Variants in PRAMEF11 observed in about 807,000 individuals in gnomAD.
PRAMEF11 encodes the protein PRAME family member 11.
A neutral mutation model predicts 33.6 loss-of-function variants in PRAMEF11; 17 were observed. That is an observed-to-expected ratio of 0.51 (90% CI 0.35 to 0.76). The LOEUF (loss-of-function observed/expected upper bound fraction) is 0.76, where lower values mean the gene tolerates loss of function less well. PRAMEF11 is among the 30% of genes least tolerant of loss of function. PRAMEF11 has a pLI of 0.01. For synonymous variants in PRAMEF11, 205 were observed against 227.3 expected, an observed-to-expected ratio of 0.90 and a Z score of 0.88; for missense variants, 568 against 567.0, an observed-to-expected ratio of 1.00 and a Z score of -0.02.
chr1:12,825,017 C>G lies in PRAMEF11; in HGVS notation c.1362G>C (p.Leu454Phe), dbSNP rs193214100. The G allele has an allele frequency of 2.0e-5, 33 of 1,609,828 alleles. 2 individuals carry two copies. The African/African-American group carries it at 2.9e-4, about 14-fold the overall frequency. The change falls in exon 4 of 4, where the codon TTG (leucine) becomes TTC (phenylalanine). Residue 454 changes from leucine (L) to phenylalanine (F), a missense_variant. Leu to Phe is a conservative substitution (Grantham distance 22, BLOSUM62 0). Transcript: ENST00000619922. Reference protein sequence around the residue: ...VRHLRHPKRILFCTDNCPDHG... With the variant: ...VRHLRHPKRIFFCTDNCPDHG... ...GGTCAGGGCAGTTGTCAGTACAGAA[C>G]AAGATCCTCTTGGGGTGCCTTAAGT...
chr1:12,829,233 C>T (rs564788613), intron 1 of PRAMEF11, among the ~76,000 whole-genome samples: 1 of 151,290 alleles, frequency 6.6e-6, no homozygotes, highest in Admixed American at 6.6e-5. Flanking sequence ...AGAACAGGTT[C>T]TATTTGTTTT....
chr1:12,827,115 G>A, intron 3 of PRAMEF11, 134 bp downstream of exon 3: 1 of 1,550,296 alleles, frequency 6.5e-7, no homozygotes, highest in Non-Finnish European at 8.7e-7. Context: ...GCCGCCAACA[G>A]GACAATGCAT....
At chr1:12,826,588 C>A (rs1274420117) in intron 3 of PRAMEF11, among the ~76,000 whole-genome samples, 1 of 151,074 alleles carries the variant, frequency 6.6e-6, no homozygotes, top group Non-Finnish European at 1.5e-5. Flanking sequence ...ATGGTGAAAA[C>A]CTGTCTCTAC....
rs748236916 is a variant in PRAMEF11, at chr1:12,828,670, T to C, written c.120A>G (p.Pro40=). The change falls in exon 2 of 4, where the codon CCA becomes CCG. Residue 40 remains proline (P), a synonymous_variant. Coordinates refer to ENST00000619922, the MANE Select transcript of PRAMEF11 (RefSeq NM_001146344.3). ...LEELPTELFP[P]LFMEAFSRRR... ...TCCTGCTGAAGGCCTCCATGAACAGTGGGGGGAAAAGTTCCGTGGGCAGCT... is the reference window on the plus strand; with the variant it reads ...TCCTGCTGAAGGCCTCCATGAACAGCGGGGGGAAAAGTTCCGTGGGCAGCT... 1.9e-6 allele frequency: 3 copies of C among 1,601,350 alleles called. No individual in the cohort carries two copies. Among genetic ancestry groups the C allele is most frequent in the Middle Eastern group, 1.7e-4 (1 of 5,926 alleles).
At position 12,828,888 on chromosome 1, in the gene PRAMEF11, C is replaced by T. The variant is rs1365837989; in HGVS notation, c.-16-83G>A. On this transcript the variant is annotated intron_variant, in intron 1 of 3. Coordinates refer to ENST00000619922, the MANE Select transcript of PRAMEF11 (RefSeq NM_001146344.3). ...TCATCTTCTCCCAGGGCCAAAGTCACTGCTCTGGCAATGGTGAAACAGCCC... is the reference window on the plus strand; with the variant it reads ...TCATCTTCTCCCAGGGCCAAAGTCATTGCTCTGGCAATGGTGAAACAGCCC... 8.2e-6 allele frequency: 13 copies of T among 1,580,400 alleles called. 1 individual carries two copies. In the East Asian group the frequency reaches 2.7e-4, roughly 33 times the overall value.
intron 3 of PRAMEF11, among the ~76,000 whole-genome samples, chr1:12,826,733 C>T (rs1736823): frequency 1.7e-4 from 26 of 149,802 alleles, no homozygotes; most frequent in Non-Finnish European, 3.6e-4. Context: ...GTGCACTCTA[C>T]CCTGGATGAT....
chr1:12,828,968 C>G (rs1488854969), intron 1 of PRAMEF11, among the ~76,000 whole-genome samples, 163 bp from the exon 2 acceptor site: 1 of 151,906 alleles, frequency 6.6e-6, no homozygotes, highest in Non-Finnish European at 1.5e-5. Context: ...AGCATTCTGC[C>G]TCTGCTGCAT....
intron 1 of PRAMEF11, among the ~76,000 whole-genome samples, chr1:12,830,845 G>C (rs1832600): frequency 0.022 from 3,320 of 149,688 alleles, 123 homozygotes; most frequent in African/African-American, 0.065. Flanking sequence ...AAAAATTAGC[G>C]AGGCATGGTT....
intron 3 of PRAMEF11, among the ~76,000 whole-genome samples, chr1:12,826,723 G>C (rs1736824): frequency 0.38 from 57,128 of 149,752 alleles, 11,875 homozygotes; most frequent in African/African-American, 0.46. Flanking sequence ...GATGTCACAA[G>C]TGCACTCTAC....
At position 12,828,693 on chromosome 1, in the gene PRAMEF11, G is replaced by T; in HGVS notation, c.97C>A (p.Leu33Met). 6.2e-7 allele frequency: 1 copy of T among 1,610,522 alleles called. No homozygotes were observed. Among genetic ancestry groups the T allele is most frequent in the South Asian group, 1.1e-5 (1 of 90,516 alleles). Reference sequence around the variant, plus strand: ...AGTGGGGGGAAAAGTTCCGTGGGCAGCTCCTCCAGGGTGGAGACGGCCAAG... The same window carrying T: ...AGTGGGGGGAAAAGTTCCGTGGGCATCTCCTCCAGGGTGGAGACGGCCAAG... ...QALAVSTLEELPTELFPPLFM... is the reference protein window; with the variant it reads ...QALAVSTLEEMPTELFPPLFM... The change falls in exon 2 of 4, where the codon CTG becomes ATG. Residue 33 changes from leucine to methionine, a missense_variant. Leu to Met is a conservative substitution (Grantham distance 15). Coordinates refer to ENST00000619922, the MANE Select transcript of PRAMEF11 (RefSeq NM_001146344.3).
rs528392302 is a variant in PRAMEF11, at chr1:12,827,488, C to T, written c.636G>A (p.Val212=). 6 of 1,611,312 alleles carry T rather than the reference C, an allele frequency of 3.7e-6. No homozygotes were observed. Among genetic ancestry groups the T allele is most frequent in the South Asian group, 2.2e-5 (2 of 90,898 alleles). The change falls in exon 3 of 4, where the codon GTG becomes GTA. Residue 212 remains valine, a synonymous_variant. Transcript: ENST00000619922. Reference sequence around the variant, plus strand: ...GCAGTATCCACTTGCAATTCACTTCCACCTCCTGGATACAGTCTAGGTTCA... The same window carrying T: ...GCAGTATCCACTTGCAATTCACTTCTACCTCCTGGATACAGTCTAGGTTCA... ...KMVNLDCIQE[V]EVNCKWILPI... is the part of the protein sequence containing the mutation.
Position 12,830,245 on chromosome 1 carries a change from C to T in PRAMEF11, c.-17+1111G>A, listed in dbSNP as rs1569796383. ...AGAGATGACAGTCCCTAAGAAAACA[C>T]AGTAGAAATCTTCATATATCCAAAG... On this transcript the variant is annotated intron_variant, in intron 1 of 3. Coordinates refer to ENST00000619922, the MANE Select transcript of PRAMEF11 (RefSeq NM_001146344.3). Among the ~76,000 whole-genome samples, 6 of 151,346 alleles carry T rather than the reference C, an allele frequency of 4.0e-5. 1 individual carries two copies. The South Asian group carries it at 1.3e-3, about 32-fold the overall frequency.
chr1:12,826,661 C>A (rs1392764842), intron 3 of PRAMEF11, among the ~76,000 whole-genome samples: 3 of 150,106 alleles, frequency 2.0e-5, no homozygotes, highest in Non-Finnish European at 3.0e-5. Flanking sequence ...ACTCAGGAGG[C>A]TGAGGCAGGA....
chr1:12,830,708 C>T (rs1297637384), intron 1 of PRAMEF11, among the ~76,000 whole-genome samples: 1 of 150,226 alleles, frequency 6.7e-6, no homozygotes, highest in African/African-American at 2.4e-5. Context: ...AAAGTAGAGG[C>T]CAAGCACCAG....
At chr1:12,830,597 C>T (rs1165472128) in intron 1 of PRAMEF11, among the ~76,000 whole-genome samples, 1 of 150,986 alleles carries the variant, frequency 6.6e-6, no homozygotes, top group Non-Finnish European at 1.5e-5. Flanking sequence ...TGGCTCACTG[C>T]AGCCTCAATC....
In PRAMEF11 at chr1:12,827,484, C is replaced by T; in HGVS notation, c.640G>A (p.Val214Met). Reference protein sequence around the residue: ...VNLDCIQEVEVNCKWILPILT... With the variant: ...VNLDCIQEVEMNCKWILPILT... Reference sequence around the variant, plus strand: ...ATGGGCAGTATCCACTTGCAATTCACTTCCACCTCCTGGATACAGTCTAGG... The same window carrying T: ...ATGGGCAGTATCCACTTGCAATTCATTTCCACCTCCTGGATACAGTCTAGG... The change falls in exon 3 of 4, where the codon GTG (valine) becomes ATG (methionine). Residue 214 changes from valine (V) to methionine (M), a missense_variant. By Grantham distance (21) the Val-to-Met change is conservative. Transcript: ENST00000619922. 1.2e-6 allele frequency: 2 copies of T among 1,611,270 alleles called. No homozygotes were observed. The highest frequency in any genetic ancestry group is 1.7e-6 in the Non-Finnish European group (2 of 1,179,316).
Position 12,830,373 on chromosome 1 carries a change from G to A in PRAMEF11, c.-17+983C>T, listed in dbSNP as rs112796203. Among the ~76,000 whole-genome samples the A allele has an allele frequency of 1.9e-4, 29 of 151,164 alleles. 4 individuals are homozygous for A. In the East Asian group the frequency reaches 5.5e-3, roughly 29 times the overall value. On this transcript the variant is annotated intron_variant, in intron 1 of 3. Coordinates refer to ENST00000619922, the MANE Select transcript of PRAMEF11 (RefSeq NM_001146344.3). ...TGTCATATCGGCTCACTGTTACCTC[G>A]GCCTCCAAGATTCAAGCAATTCTCA...
At position 12,828,532 on chromosome 1, in the gene PRAMEF11, C is replaced by T; in HGVS notation, c.258G>A (p.Gly86=). The T allele has an allele frequency of 6.2e-7, 1 of 1,601,760 alleles. No homozygotes were observed. The highest frequency in any genetic ancestry group is 8.5e-7 in the Non-Finnish European group (1 of 1,173,616). Residue 86 remains glycine (G), a synonymous_variant, in exon 2 of 4, where the codon GGG becomes GGA. Transcript: ENST00000619922. ...CLEAFQAVLD[G]LDALLTQGVR... is the part of the protein sequence containing the mutation. ...CCCCTTGGGTAAGCAGTGCATCCAG[C>T]CCATCGAGCACAGCTTGGAAGGCCT...
chr1:12,828,658 C>G lies in PRAMEF11; in HGVS notation c.132G>C (p.Glu44Asp). 6.2e-7 allele frequency: 1 copy of G among 1,610,570 alleles called. No homozygotes were observed. The highest frequency in any genetic ancestry group is 8.5e-7 in the Non-Finnish European group (1 of 1,178,102). Residue 44 changes from glutamate (E) to aspartate (D), a missense_variant, in exon 2 of 4, where the codon GAG (glutamate) becomes GAC (aspartate). Glu to Asp is a conservative substitution (Grantham distance 45, BLOSUM62 2). This residue lies in a region of PRAMEF11 where 342 missense variants were observed against 312.0 expected (regional missense o/e 1.10). Transcript: ENST00000619922. ...CCTCACAGCGTCTCCTGCTGAAGGC[C>G]TCCATGAACAGTGGGGGGAAAAGTT... ...PTELFPPLFMEAFSRRRCEAL... is the reference protein window; with the variant it reads ...PTELFPPLFMDAFSRRRCEAL...
Sources: allele counts gnomAD v4.1 joint callset (sites outside exome capture counted in the v4.1 genomes callset), GRCh38; gene constraint gnomAD v4.1.1; regional missense constraint gnomAD v4.1.1; transcripts MANE v1.5; gene names NCBI Gene and HGNC (gene_info 2026-07-23, HGNC 2026-07-21).